The following TMEM108 variants were observed in gnomAD, a reference collection of about 807,000 sequenced individuals.
TMEM108 encodes transmembrane protein 108.
A neutral mutation model predicts 35.1 loss-of-function variants in TMEM108; 12 were observed. The observed-to-expected ratio is 0.34, with a 90% confidence interval of 0.22 to 0.55. The LOEUF (loss-of-function observed/expected upper bound fraction) is 0.55, where lower values mean the gene tolerates loss of function less well. Ranked by LOEUF, TMEM108 falls within the 20% of genes least tolerant of loss-of-function variation. The probability of loss-of-function intolerance (pLI) is 0.89; values close to 1 mark genes in which losing one functional copy is unlikely to be tolerated. For synonymous variants in TMEM108, 287 were observed against 308.6 expected (o/e 0.93, Z 0.73); for missense variants, 680 against 753.3 (o/e 0.90, Z 1.14).
At chr3:133,115,730 A>G (rs1009402809) in intron 2 of TMEM108, among the ~76,000 whole-genome samples, 3 of 152,254 alleles carry the variant, frequency 2.0e-5, no homozygotes, top group South Asian at 2.1e-4. Flanking sequence ...TAATCTTAGA[A>G]GATAGGGGGA....
At chr3:133,304,288 A>T (rs1414118493) in intron 3 of TMEM108, among the ~76,000 whole-genome samples, 1 of 152,232 alleles carries the variant, frequency 6.6e-6, no homozygotes, top group Admixed American at 6.5e-5. Flanking sequence ...CTGACAGAGA[A>T]GTCTCATATA....
Position 133,229,371 on chromosome 3 carries a change from C to A in TMEM108, c.40+20C>A, listed in dbSNP as rs1458059070. On this transcript the variant is annotated intron_variant, in intron 3 of 5. Coordinates refer to ENST00000321871, the MANE Select transcript of TMEM108 (RefSeq NM_023943.4). Reference sequence around the variant, plus strand: ...TGTTAAGTAAGTTGACACTGTATTTCTTCTTTCCTAAAATATACTAATGTT... The same window carrying A: ...TGTTAAGTAAGTTGACACTGTATTTATTCTTTCCTAAAATATACTAATGTT... 1 of 1,610,652 alleles carries A rather than the reference C, an allele frequency of 6.2e-7. No individual in the cohort carries two copies. The highest frequency in any genetic ancestry group is 1.3e-5 in the African/African-American group (1 of 74,776).
chr3:133,147,598 G>A (rs1944740234), intron 2 of TMEM108, among the ~76,000 whole-genome samples: 1 of 152,024 alleles, frequency 6.6e-6, no homozygotes, highest in Non-Finnish European at 1.5e-5. Context: ...TTTTTTGCTT[G>A]TAGTAAAAAT....
intron 3 of TMEM108, among the ~76,000 whole-genome samples, chr3:133,313,493 T>C (rs2071160241): frequency 6.6e-6 from 1 of 152,222 alleles, no homozygotes; most frequent in African/African-American, 2.4e-5. Flanking sequence ...CCAAATTTTT[T>C]AATAATTTAA....
chr3:133,349,523 G>T (rs2071927068), intron 3 of TMEM108, among the ~76,000 whole-genome samples: 1 of 151,848 alleles, frequency 6.6e-6, no homozygotes, highest in African/African-American at 2.4e-5. Context: ...TAAAGAATGG[G>T]AGAAAATATT....
Position 133,296,858 on chromosome 3 carries a change from AATTTTCTCATC to A in TMEM108, c.40+67509_40+67519del, listed in dbSNP as rs1947152725. On this transcript the variant is annotated intron_variant, in intron 3 of 5. Coordinates refer to ENST00000321871, the MANE Select transcript of TMEM108 (RefSeq NM_023943.4). ...TCTCAAGTATAGAATCTCTGCAGAC[AATTTTCTCATC>A]AGGTAGAAGGAAGAATAGAGGGTAC... 2.0e-5 allele frequency among the ~76,000 whole-genome samples: 3 copies of A among 152,336 alleles called. No individual in the cohort carries two copies. The South Asian group carries it at 6.2e-4, about 32-fold the overall frequency.
chr3:133,178,584 T>G lies in TMEM108; in HGVS notation c.-46-50682T>G, dbSNP rs537890622. 2.3e-3 allele frequency among the ~76,000 whole-genome samples: 350 copies of G among 152,046 alleles called. 1 individual carries two copies. Among genetic ancestry groups the G allele is most frequent in the South Asian group, 6.4e-3 (31 of 4,822 alleles). On this transcript the variant is annotated intron_variant, in intron 2 of 5. Coordinates refer to ENST00000321871, the MANE Select transcript of TMEM108 (RefSeq NM_023943.4). ...AAGGATTCCCTATTTAATAAATGGT[T>G]CTGGGAAAACTGGCTAGCCATATGT...
At chr3:133,228,347 A>G (rs1576396718) in intron 2 of TMEM108, among the ~76,000 whole-genome samples, 1 of 152,360 alleles carries the variant, frequency 6.6e-6, no homozygotes, top group Non-Finnish European at 1.5e-5. Flanking sequence ...TAAAACATTG[A>G]GACCGAATAT....
At chr3:133,381,295 A>G in intron 4 of TMEM108, 134 bp downstream of exon 4, 1 of 955,816 alleles carries the variant, frequency 1.0e-6, no homozygotes, top group Non-Finnish European at 1.5e-6. Context: ...GAAACTAGGT[A>G]TCAGGACAGG....
chr3:133,066,387 A>G (rs1943607452), intron 2 of TMEM108, among the ~76,000 whole-genome samples: 1 of 152,170 alleles, frequency 6.6e-6, no homozygotes. Flanking sequence ...ACAAAGATTC[A>G]TAAAAAATAA....
rs1234310413 is a variant in TMEM108, at chr3:133,294,551, C to T, written c.40+65200C>T. On this transcript the variant is annotated intron_variant, in intron 3 of 5. Coordinates refer to ENST00000321871, the MANE Select transcript of TMEM108 (RefSeq NM_023943.4). ...TTATTTCTGGAGATGGGGGATTTGC[C>T]TCCTATGATAATTCTCTTATCTGCA... Among the ~76,000 whole-genome samples, 3 of 152,066 alleles carry T rather than the reference C, an allele frequency of 2.0e-5. No individual in the cohort carries two copies. The East Asian group carries it at 5.8e-4, about 29-fold the overall frequency.
At position 133,181,008 on chromosome 3, in the gene TMEM108, T is replaced by TAAA. The variant is rs369228472; in HGVS notation, c.-46-48230_-46-48228dup. ...TGTACTGGCTATTGGGCAGTTGTGTTAAAAAAAAAAAAAAAAAAAAAAAAA... is the reference window on the plus strand; with the variant it reads ...TGTACTGGCTATTGGGCAGTTGTGTTAAAAAAAAAAAAAAAAAAAAAAAAAAAA... On this transcript the variant is annotated intron_variant, in intron 2 of 5. Coordinates refer to ENST00000321871, the MANE Select transcript of TMEM108 (RefSeq NM_023943.4). Among the ~76,000 whole-genome samples the TAAA allele has an allele frequency of 2.1e-3, 162 of 75,836 alleles. 4 individuals are homozygous for TAAA. The highest frequency in any genetic ancestry group is 6.7e-3 in the African/African-American group (130 of 19,514). The allele number at this position is 75,836 out of a possible 152,430, so 49.8% of individuals were successfully genotyped here.
intron 2 of TMEM108, among the ~76,000 whole-genome samples, chr3:133,052,792 C>T (rs933852545): frequency 9.9e-5 from 15 of 152,012 alleles, no homozygotes; most frequent in Admixed American, 9.8e-4. Context: ...TAGAATTTTC[C>T]TGTCTGTTAT....
At chr3:133,127,257 TTAAA>T (rs1309337483) in intron 2 of TMEM108, among the ~76,000 whole-genome samples, 1 of 152,192 alleles carries the variant, frequency 6.6e-6, no homozygotes, top group African/African-American at 2.4e-5. Flanking sequence ...TTTAATAAAA[TTAAA>T]TAAAATTTAA....
intron 3 of TMEM108, among the ~76,000 whole-genome samples, chr3:133,258,660 A>G (rs1298276682): frequency 6.6e-6 from 1 of 152,130 alleles, no homozygotes; most frequent in Non-Finnish European, 1.5e-5. Context: ...TCATACTGCT[A>G]TTCTTCATCC....
At chr3:133,220,603 ACT>A (rs1480021824) in intron 2 of TMEM108, among the ~76,000 whole-genome samples, 2 of 151,800 alleles carry the variant, frequency 1.3e-5, no homozygotes, top group Admixed American at 1.3e-4. Context: ...ATTTACCTTT[ACT>A]CTCACACTAC....
At chr3:133,232,697 GT>G (rs1484964392) in intron 3 of TMEM108, among the ~76,000 whole-genome samples, 2 of 152,170 alleles carry the variant, frequency 1.3e-5, no homozygotes, top group Admixed American at 6.5e-5. Flanking sequence ...TGCTATTGAG[GT>G]TTTAATTGTT....
At chr3:133,056,312 C>A (rs947603581) in intron 2 of TMEM108, among the ~76,000 whole-genome samples, 1 of 152,198 alleles carries the variant, frequency 6.6e-6, no homozygotes, top group Non-Finnish European at 1.5e-5. Context: ...GCTCCTGTTT[C>A]TTTTCAGTGA....
At chr3:133,328,027 C>A (rs1377451565) in intron 3 of TMEM108, among the ~76,000 whole-genome samples, 1 of 152,130 alleles carries the variant, frequency 6.6e-6, no homozygotes, top group Non-Finnish European at 1.5e-5. Flanking sequence ...AATTTTTCAT[C>A]TTTTGGGGGC....
Sources: gnomAD v4.1 joint callset for allele counts (sites outside exome capture counted in the v4.1 genomes callset) on GRCh38, gnomAD v4.1.1 for gene constraint, MANE v1.5 for transcripts, NCBI Gene and HGNC (gene_info 2026-07-23, HGNC 2026-07-21) for gene names.